TBXAS1: variants seen among roughly 807,000 people sequenced by gnomAD.
TBXAS1 encodes the protein thromboxane A synthase 1, also known as thromboxane-A synthase.
Under a neutral mutation model 60.7 loss-of-function variants are expected in TBXAS1, and 48 were observed. The observed-to-expected ratio is 0.79, with a 90% CI of 0.63 to 1.01. The LOEUF (loss-of-function observed/expected upper bound fraction) is 1.01. Ranked by LOEUF, TBXAS1 falls within the 50% of genes least tolerant of loss-of-function variation. The pLI is 0.00. For missense variants in TBXAS1, 685 were observed against 686.3 expected, an observed-to-expected ratio of 1.00 and a Z score of 0.02; for synonymous variants, 287 against 269.7, an observed-to-expected ratio of 1.06 and a Z score of -0.63.
chr7:139,824,404 C>G (rs1448291053), upstream of TBXAS1, among the ~76,000 whole-genome samples: 2 of 152,298 alleles, frequency 1.3e-5, no homozygotes, highest in South Asian at 4.1e-4. Context: ...TTAAGAATGT[C>G]GCTTGAGATA....
upstream of TBXAS1, chr7:139,778,364 AG>A (rs1424336898): frequency 1.3e-5 from 2 of 153,102 alleles, no homozygotes; most frequent in East Asian, 3.9e-4. This position sits in a 1 kb window ranked among gnomAD's most constrained non-coding sequence, Gnocchi z 4.8. Flanking sequence ...GTGTGTGCCC[AG>A]GTGCGAGGGT....
intron 5 of TBXAS1, among the ~76,000 whole-genome samples, chr7:139,951,586 T>C (rs6950008): frequency 0.78 from 87,618 of 112,490 alleles, 33,482 homozygotes; most frequent in Admixed American, 0.84. Context: ...TGGAATCCCG[T>C]CTCTACTAAA....
chr7:139,979,940 T>C (rs918372297), intron 9 of TBXAS1, among the ~76,000 whole-genome samples: 10 of 151,932 alleles, frequency 6.6e-5, no homozygotes, highest in Non-Finnish European at 1.0e-4. Context: ...CTTTTTTTTT[T>C]CCTCACGTAA....
chr7:139,945,682 T>G (rs866267036), intron 5 of TBXAS1, among the ~76,000 whole-genome samples: 3 of 152,350 alleles, frequency 2.0e-5, no homozygotes, highest in Non-Finnish European at 4.4e-5. Flanking sequence ...TCTATTGCTG[T>G]GTAACAAAAT....
At position 139,820,734 on chromosome 7, in the gene TBXAS1, C is replaced by T. The variant is rs114919385; in HGVS notation, c.-79-8578C>T. Among the ~76,000 whole-genome samples, 485 of 152,214 alleles carry T rather than the reference C, an allele frequency of 3.2e-3. 2 individuals are homozygous for T. The highest frequency in any genetic ancestry group is 0.011 in the African/African-American group (457 of 41,536). ...TCTCTCCTGTGTAGGCCAGTCCTAC[C>T]CTTTCTTCTGCTTAATGCCTCCCAG... On this transcript the variant is annotated intron_variant, in intron 4 of 16. Coordinates refer to the TBXAS1 transcript ENST00000336425.
At chr7:139,807,452 C>T (rs986105267) in intron 4 of TBXAS1, among the ~76,000 whole-genome samples, 4 of 151,924 alleles carry the variant, frequency 2.6e-5, no homozygotes, top group South Asian at 2.1e-4. Context: ...GGCGCAATCT[C>T]GGCTCACTGC....
Position 139,923,524 on chromosome 7 carries a change from T to TA in TBXAS1, c.333+12203_333+12204insA, listed in dbSNP as rs1806649792. Among the ~76,000 whole-genome samples, 3 of 151,444 alleles carry TA rather than the reference T, an allele frequency of 2.0e-5. No individual in the cohort carries two copies. The South Asian group carries it at 6.2e-4, about 31-fold the overall frequency. ...TGAAATATTTTGATACATGCATGTA[T>TA]CATGCATGCATGATACATGCATGCA... On this transcript the variant is annotated intron_variant, in intron 4 of 12. Transcript: ENST00000448866.
chr7:139,986,799 GTATATATATA>G (rs58751653), intron 9 of TBXAS1, among the ~76,000 whole-genome samples: 8,904 of 80,632 alleles, frequency 0.11, 555 homozygotes, highest in East Asian at 0.12. Flanking sequence ...GTGTGTGTGT[GTATATATATA>G]TATATATACA....
intron 1 of TBXAS1, among the ~76,000 whole-genome samples, chr7:139,864,225 C>T (rs2116740719): frequency 6.6e-6 from 1 of 150,526 alleles, no homozygotes; most frequent in East Asian, 2.0e-4. Flanking sequence ...CCAGAAGGAT[C>T]ATTGATTACA....
chr7:139,825,851 G>A (rs1798422753), upstream of TBXAS1, among the ~76,000 whole-genome samples: 1 of 152,136 alleles, frequency 6.6e-6, no homozygotes, highest in South Asian at 2.1e-4. Flanking sequence ...CCCTGAAGAG[G>A]CCTTTGTGGT....
intron 4 of TBXAS1, among the ~76,000 whole-genome samples, chr7:139,798,820 T>G (rs1323922922): frequency 1.3e-5 from 2 of 152,196 alleles, no homozygotes; most frequent in Non-Finnish European, 1.5e-5. Context: ...TTTTAGAAGA[T>G]TCTGATTCCG....
rs567655692 is a variant in TBXAS1 at position 139,988,253 on chromosome 7, C to A, written c.1135-18838C>A. Among the ~76,000 whole-genome samples the A allele has an allele frequency of 8.5e-5, 13 of 152,374 alleles. No individual in the cohort carries two copies. The South Asian group carries it at 2.5e-3, about 29-fold the overall frequency. On this transcript the variant is annotated intron_variant, in intron 9 of 12. Coordinates refer to ENST00000448866, the MANE Select transcript of TBXAS1 (RefSeq NM_001061.7). Reference sequence around the variant, plus strand: ...TCTTGAAGACAACGGAAGCTCAGGCCACCCTGAGGCCATCACCTCTGGCAG... The same window carrying A: ...TCTTGAAGACAACGGAAGCTCAGGCAACCCTGAGGCCATCACCTCTGGCAG...
At chr7:139,988,029 T>C (rs1812628167) in intron 9 of TBXAS1, among the ~76,000 whole-genome samples, 1 of 152,210 alleles carries the variant, frequency 6.6e-6, no homozygotes, top group South Asian at 2.1e-4. Context: ...CAGCATCCTA[T>C]GGACTGGGCC....
Position 140,004,493 on chromosome 7 carries a change from T to C in TBXAS1, c.1135-2598T>C, listed in dbSNP as rs867754322. ...AACCACTGAAATTACACAATTGGTG[T>C]TTGTGACTTGTTGGCCAGAAGAGAC... On this transcript the variant is annotated intron_variant, in intron 9 of 12. Transcript: ENST00000448866. The surrounding 1 kb of genome is among the most constrained non-coding windows in gnomAD (Gnocchi z 5.1). Among the ~76,000 whole-genome samples, 1 of 152,206 alleles carries C rather than the reference T, an allele frequency of 6.6e-6. No homozygotes were observed. The highest frequency in any genetic ancestry group is 6.5e-5 in the Admixed American group (1 of 15,278).
intron 1 of TBXAS1, among the ~76,000 whole-genome samples, chr7:139,841,483 T>C (rs1397404770): frequency 2.2e-4 from 5 of 22,396 alleles, no homozygotes; most frequent in African/African-American, 1.2e-3. Context: ...TCTATTTCCC[T>C]TTTTTTTTTT....
chr7:140,009,011 G>A (rs559004007), intron 10 of TBXAS1, among the ~76,000 whole-genome samples: 1 of 152,256 alleles, frequency 6.6e-6, no homozygotes, highest in African/African-American at 2.4e-5. Flanking sequence ...CACAGAAACT[G>A]ATCAATGGAC....
At chr7:139,940,767 T>C (rs769060237) in intron 5 of TBXAS1, among the ~76,000 whole-genome samples, 3 of 152,310 alleles carry the variant, frequency 2.0e-5, no homozygotes, top group East Asian at 1.9e-4. Flanking sequence ...ATTTTCTTTA[T>C]GGTTAACTGC....
At chr7:139,950,190 G>A (rs990388067) in intron 5 of TBXAS1, among the ~76,000 whole-genome samples, 41 of 152,000 alleles carry the variant, frequency 2.7e-4, no homozygotes, top group African/African-American at 3.1e-4. Flanking sequence ...CTGCCACCAC[G>A]CCCAGCTAAT....
At chr7:139,903,886 C>G (rs1304784729) in intron 3 of TBXAS1, among the ~76,000 whole-genome samples, 1 of 151,918 alleles carries the variant, frequency 6.6e-6, no homozygotes, top group African/African-American at 2.4e-5. Flanking sequence ...TGAAGATTTT[C>G]TCCTACTCTG....
Sources: gnomAD v4.1 joint callset for allele counts (sites outside exome capture counted in the v4.1 genomes callset) on GRCh38, gnomAD v4.1.1 for gene constraint, Gnocchi (gnomAD v3.1) non-coding constraint, MANE v1.5 for transcripts, NCBI Gene and HGNC (gene_info 2026-07-23, HGNC 2026-07-21) for gene names.